Variants in DRC2 observed in about 807,000 individuals in gnomAD.
The protein encoded by DRC2 is dynein regulatory complex subunit 2.
the DRC2 span, chr12:48,918,110 A>C: frequency 1.6e-6 from 1 of 640,406 alleles, no homozygotes; most frequent in African/African-American, 1.8e-5. Flanking sequence ...CCCGGCCCAC[A>C]AAACATATTT....
At chr12:48,918,280 A>G in the DRC2 span, 1 of 1,613,892 alleles carries the variant, frequency 6.2e-7, no homozygotes, top group East Asian at 2.2e-5. Context: ...GCTAGAATTT[A>G]GAAGAGAAGC....
At chr12:48,910,198 A>G in the DRC2 span, among the ~76,000 whole-genome samples, 4 of 152,298 alleles carry the variant, frequency 2.6e-5, no homozygotes, top group African/African-American at 9.6e-5. Context: ...TTGTCACTCA[A>G]TAGATCATCA....
the DRC2 span, among the ~76,000 whole-genome samples, chr12:48,909,063 G>A: frequency 1.5e-5 from 1 of 68,796 alleles, no homozygotes; most frequent in African/African-American, 5.7e-5. Flanking sequence ...TTTTTTTTGA[G>A]ATGGAGTTTT....
the DRC2 span, among the ~76,000 whole-genome samples, chr12:48,917,979 A>G: frequency 6.6e-6 from 1 of 152,236 alleles, no homozygotes; most frequent in Non-Finnish European, 1.5e-5. Context: ...TTCCCTTGAA[A>G]AATTTAAAGA....
At chr12:48,904,624 G>A in the DRC2 span, among the ~76,000 whole-genome samples, 1 of 152,180 alleles carries the variant, frequency 6.6e-6, no homozygotes, top group African/African-American at 2.4e-5. Flanking sequence ...TTGGGAGGCG[G>A]GGGTGTTCTC....
chr12:48,916,835 G>C, the DRC2 span: 2 of 759,328 alleles, frequency 2.6e-6, no homozygotes, highest in Non-Finnish European at 4.1e-6. Context: ...AAAGAGTAAA[G>C]CCTTCCCTCT....
chr12:48,920,837 G>GTAGCTTCCCTGGGTTC, the DRC2 span: 245 of 1,235,690 alleles, frequency 2.0e-4, 1 homozygote, highest in African/African-American at 3.4e-3. Context: ...ACTTGGATGA[G>GTAGCTTCCCTGGGTTC]TAGCTTCCCT....
the DRC2 span, among the ~76,000 whole-genome samples, chr12:48,911,269 T>G: frequency 1.3e-5 from 2 of 152,070 alleles, no homozygotes; most frequent in Non-Finnish European, 2.9e-5. Context: ...ATTTTAGAAA[T>G]AGAGATGGGG....
the DRC2 span, among the ~76,000 whole-genome samples, chr12:48,907,573 A>C: frequency 6.6e-6 from 1 of 152,178 alleles, no homozygotes; most frequent in African/African-American, 2.4e-5. Flanking sequence ...AGTGATCCTC[A>C]CTATCTCTAC....
At chr12:48,917,086 T>C in the DRC2 span, 10 of 1,613,930 alleles carry the variant, frequency 6.2e-6, no homozygotes, top group African/African-American at 1.3e-5. Context: ...TTCCAGAGCA[T>C]GTGGAATGAT....
At chr12:48,919,298 C>G in the DRC2 span, among the ~76,000 whole-genome samples, 1 of 151,316 alleles carries the variant, frequency 6.6e-6, no homozygotes, top group Admixed American at 6.6e-5. Flanking sequence ...ACCATCTTGG[C>G]TCACTGCAAC....
chr12:48,920,525 T>A, the DRC2 span, among the ~76,000 whole-genome samples: 2 of 136,258 alleles, frequency 1.5e-5, no homozygotes, highest in Non-Finnish European at 3.2e-5. Context: ...TAATGAATGA[T>A]TTTTTTTTTT....
the DRC2 span, among the ~76,000 whole-genome samples, chr12:48,908,379 A>T: frequency 6.6e-6 from 1 of 151,864 alleles, no homozygotes; most frequent in South Asian, 2.1e-4. Flanking sequence ...TCTATCCCTG[A>T]CCTTTGTTAC....
chr12:48,919,716 C>T, the DRC2 span, among the ~76,000 whole-genome samples: 1 of 151,964 alleles, frequency 6.6e-6, no homozygotes, highest in African/African-American at 2.4e-5. Flanking sequence ...CAGGGTTTCA[C>T]CATGTTGGCC....
chr12:48,906,105 C>A, the DRC2 span, among the ~76,000 whole-genome samples: 1 of 152,078 alleles, frequency 6.6e-6, no homozygotes, highest in Non-Finnish European at 1.5e-5. Context: ...ACAAAGCCCA[C>A]AGTAACAGCA....
At chr12:48,918,944 C>T in the DRC2 span, 4 of 1,489,136 alleles carry the variant, frequency 2.7e-6, no homozygotes, top group Admixed American at 7.0e-5. Context: ...AGTCAAGGAA[C>T]CTGCCTCCCT....
chr12:48,904,448 C>T, the DRC2 span: 1 of 1,613,994 alleles, frequency 6.2e-7, no homozygotes. Context: ...GAAGGAGAGG[C>T]TCCTCAGCCA....
the DRC2 span, among the ~76,000 whole-genome samples, chr12:48,920,441 T>TTTAAAAAAAAAAAAAAAAAAAAA: frequency 1.5e-5 from 1 of 67,816 alleles, no homozygotes; most frequent in Non-Finnish European, 2.6e-5. Flanking sequence ...AACTCCATCT[T>TTTAAAAAAAAAAAAAAAAAAAAA]AAAAAAAAAA....
the DRC2 span, chr12:48,918,671 C>T: frequency 1.4e-4 from 223 of 1,611,724 alleles, no homozygotes; most frequent in Non-Finnish European, 1.7e-4. Flanking sequence ...CCCTAATCTA[C>T]TCTGTTCCTC....
Sources: gnomAD v4.1 joint callset for allele counts (sites outside exome capture counted in the v4.1 genomes callset) on GRCh38, gnomAD v4.1.1 for gene constraint, MANE v1.5 for transcripts, NCBI Gene and HGNC (gene_info 2026-07-23, HGNC 2026-07-21) for gene names.